DSE: variants seen among roughly 807,000 people sequenced by gnomAD.
The protein encoded by DSE is dermatan-sulfate epimerase.
DSE carries 36 observed loss-of-function variants against 84.4 expected under a neutral mutation model. The observed-to-expected ratio is 0.43, with a 90% CI of 0.33 to 0.56. DSE has a LOEUF of 0.56. DSE is among the 20% of genes least tolerant of loss of function. The pLI, the probability that DSE is intolerant of heterozygous loss-of-function variation, is 0.06. For missense variants in DSE, 862 were observed against 1,169.6 expected, an observed-to-expected ratio of 0.74 and a Z score of 3.84; for synonymous variants, 410 against 430.1, an observed-to-expected ratio of 0.95 and a Z score of 0.58.
chr6:116,377,330 G>A (rs190205397), intron 1 of DSE, among the ~76,000 whole-genome samples: 24 of 152,270 alleles, frequency 1.6e-4, no homozygotes, highest in Admixed American at 2.6e-4. Flanking sequence ...GGCTCACCAA[G>A]CTTGTGGGTC....
chr6:116,331,199 T>G (rs1776913729), intron 2 of DSE, among the ~76,000 whole-genome samples: 2 of 152,292 alleles, frequency 1.3e-5, no homozygotes, highest in Admixed American at 1.3e-4. Flanking sequence ...CTTTCTGTGA[T>G]CAGGAATAAG....
Position 116,322,651 on chromosome 6 carries a change from C to T in DSE, c.-54+63684C>T, listed in dbSNP as rs1326008653. On this transcript the variant is annotated intron_variant, in intron 2 of 3. Transcript: ENST00000430252. ...GCCTTCTTCCTAAAATATATCATTT[C>T]GTTGATGCTTAAAGTAAATAAAGAA... 3.3e-5 allele frequency among the ~76,000 whole-genome samples: 5 copies of T among 150,478 alleles called. No individual in the cohort carries two copies. In the East Asian group the frequency reaches 5.9e-4, roughly 18 times the overall value.
chr6:116,392,304 C>T lies in DSE; in HGVS notation c.-53-6894C>T, dbSNP rs542495985. Among the ~76,000 whole-genome samples, 9 of 152,290 alleles carry T rather than the reference C, an allele frequency of 5.9e-5. No homozygotes were observed. In the South Asian group the frequency reaches 1.7e-3, roughly 28 times the overall value. On this transcript the variant is annotated intron_variant, in intron 1 of 5. Transcript: ENST00000644252. ...GGACTTAAATGGAAGCATGAGCAAG[C>T]GAGTCACAGTGCCTAACCTCGGCAA...
intron 2 of DSE, among the ~76,000 whole-genome samples, chr6:116,405,061 C>T (rs1583182263): frequency 6.7e-6 from 1 of 149,710 alleles, no homozygotes; most frequent in South Asian, 2.1e-4. Context: ...TGGTGTCATC[C>T]GAGGGTGTAT....
intron 4 of DSE, 48 bp from the exon 5 acceptor site, chr6:116,433,295 G>C: frequency 1.3e-6 from 2 of 1,523,490 alleles, no homozygotes; most frequent in Non-Finnish European, 1.8e-6. Context: ...CTATATAGGA[G>C]TGTGAAGTTT....
Position 116,397,166 on chromosome 6 carries a change from A to AT in DSE, c.-53-2023dup, listed in dbSNP as rs905618019. The stretch of plus-strand genomic sequence containing the variant: ...CTTTTAGGGACTTAATATATACAGG[A>AT]TTTTTTTTTAATCGTTAGCGGTATA... On this transcript the variant is annotated intron_variant, in intron 1 of 5. Transcript: ENST00000644252. 6.7e-5 allele frequency among the ~76,000 whole-genome samples: 9 copies of AT among 134,310 alleles called. No individual in the cohort carries two copies. In the South Asian group the frequency reaches 7.2e-4, roughly 11 times the overall value. The allele number at this position is 134,310 out of a possible 152,430, so 88.1% of individuals were successfully genotyped here.
intron 2 of DSE, among the ~76,000 whole-genome samples, chr6:116,297,600 A>G (rs1774750950): frequency 6.6e-6 from 1 of 152,220 alleles, no homozygotes; most frequent in Non-Finnish European, 1.5e-5. Context: ...TTGATTTGTT[A>G]GACATACTAC....
intron 2 of DSE, among the ~76,000 whole-genome samples, chr6:116,333,635 AAG>A (rs1282719569): frequency 6.6e-6 from 1 of 152,194 alleles, no homozygotes; most frequent in Non-Finnish European, 1.5e-5. Context: ...AGGCTTCAGA[AAG>A]AGAAAGATTT....
intron 2 of DSE, among the ~76,000 whole-genome samples, chr6:116,292,114 G>T (rs1250211209): frequency 6.6e-6 from 1 of 152,124 alleles, no homozygotes; most frequent in Admixed American, 6.6e-5. Flanking sequence ...TGAGTGTTTA[G>T]GTGATAGTTG....
At chr6:116,258,318 A>G (rs79852081) in intron 1 of DSE, 23,003 of 487,866 alleles carry the variant, frequency 0.047, 677 homozygotes, top group Non-Finnish European at 0.059. Context: ...ACCTGGCCAG[A>G]TATTTCTTTT....
chr6:116,259,887 T>A (rs984074977), intron 2 of DSE, among the ~76,000 whole-genome samples: 2 of 152,366 alleles, frequency 1.3e-5, no homozygotes, highest in Admixed American at 1.3e-4. Context: ...ATCTAGCCTA[T>A]CATTGATGAG....
At chr6:116,350,010 A>G (rs1778218271) in intron 2 of DSE, among the ~76,000 whole-genome samples, 1 of 152,194 alleles carries the variant, frequency 6.6e-6, no homozygotes, top group Non-Finnish European at 1.5e-5. Flanking sequence ...TAATTATTTC[A>G]TGTTTACATG....
chr6:116,359,157 C>A (rs1778747943), intron 2 of DSE, among the ~76,000 whole-genome samples: 1 of 151,952 alleles, frequency 6.6e-6, no homozygotes, highest in African/African-American at 2.4e-5. Flanking sequence ...TGTCTATCTT[C>A]CTATTTATCA....
intron 2 of DSE, among the ~76,000 whole-genome samples, chr6:116,404,723 C>T (rs1781803953): frequency 6.6e-6 from 1 of 152,212 alleles, no homozygotes; most frequent in Admixed American, 6.5e-5. Context: ...GAATATATAA[C>T]TTTATTCTCG....
chr6:116,365,456 T>A (rs1350883727), upstream of DSE, among the ~76,000 whole-genome samples: 2 of 152,016 alleles, frequency 1.3e-5, no homozygotes, highest in Non-Finnish European at 2.9e-5. Flanking sequence ...GGTTTCACCA[T>A]GTTAGCCAGG....
At chr6:116,263,715 C>G (rs1368252874) in intron 2 of DSE, among the ~76,000 whole-genome samples, 1 of 152,142 alleles carries the variant, frequency 6.6e-6, no homozygotes, top group Non-Finnish European at 1.5e-5. Flanking sequence ...CTGTGTACTT[C>G]AGTGTGTTTT....
At chr6:116,360,817 C>G (rs1778843919) in intron 2 of DSE, among the ~76,000 whole-genome samples, 1 of 151,892 alleles carries the variant, frequency 6.6e-6, no homozygotes, top group Non-Finnish European at 1.5e-5. Context: ...GCCTTGCATG[C>G]CTTGGGGAGA....
intron 1 of DSE, among the ~76,000 whole-genome samples, chr6:116,389,886 GT>G: frequency 6.6e-6 from 1 of 151,572 alleles, no homozygotes. Context: ...TAAATAAATT[GT>G]TTTGGACTAA....
Position 116,426,723 on chromosome 6 carries a change from A to G in DSE, c.566A>G (p.Tyr189Cys), listed in dbSNP as rs971273259. Residue 189 changes from tyrosine (Y) to cysteine (C), a missense_variant, in exon 3 of 6, where the codon TAT (tyrosine) becomes TGT (cysteine). Tyr to Cys is a radical substitution (Grantham distance 194). Coordinates refer to ENST00000644252, the MANE Select transcript of DSE (RefSeq NM_013352.4). ...EVIANASGYM[Y>C]ETSYRRGWGF... is the part of the protein sequence containing the mutation. The stretch of plus-strand genomic sequence containing the variant: ...ATTGCCAATGCCTCAGGGTATATGT[A>G]TGAAACTTCATACAGGAGAGGATGG... 6.2e-7 allele frequency: 1 copy of G among 1,614,208 alleles called. No homozygotes were observed. Among genetic ancestry groups the G allele is most frequent in the African/African-American group, 1.3e-5 (1 of 75,040 alleles).
Sources: allele counts gnomAD v4.1 joint callset (sites outside exome capture counted in the v4.1 genomes callset), GRCh38; gene constraint gnomAD v4.1.1; transcripts MANE v1.5; gene names NCBI Gene and HGNC (gene_info 2026-07-23, HGNC 2026-07-21).